Variants in TEX14 observed in about 807,000 individuals in gnomAD.
TEX14 encodes inactive serine/threonine-protein kinase TEX14.
A neutral mutation model predicts 178.6 loss-of-function variants in TEX14; 168 were observed. The observed-to-expected ratio is 0.94, with a 90% CI of 0.83 to 1.07. The LOEUF (loss-of-function observed/expected upper bound fraction) is 1.07, where lower values mean the gene tolerates loss of function less well. Among genes scored for constraint, TEX14 ranks in the 50% least tolerant of loss-of-function variants. The pLI is 0.00. For synonymous variants in TEX14, 626 were observed against 634.1 expected, an observed-to-expected ratio of 0.99 and a Z score of 0.19; for missense variants, 1,730 against 1,753.6, an observed-to-expected ratio of 0.99 and a Z score of 0.24.
chr17:58,679,749 T>C (rs1567773983), intron 1 of TEX14: 1 of 152,148 alleles, frequency 6.6e-6, no homozygotes, highest in Non-Finnish European at 1.5e-5. Flanking sequence ...AAATATAGGA[T>C]CATTTTTCTC....
At chr17:58,607,555 T>C (rs2045639375) in intron 10 of TEX14, among the ~76,000 whole-genome samples, 1 of 152,232 alleles carries the variant, frequency 6.6e-6, no homozygotes, top group South Asian at 2.1e-4. Context: ...TTCACACCAT[T>C]GCTTCACCCC....
intron 28 of TEX14, 23 bp from the exon 29 acceptor site, chr17:58,561,635 A>G: frequency 7.3e-6 from 11 of 1,510,752 alleles, no homozygotes; most frequent in Non-Finnish European, 1.0e-5. Flanking sequence ...AAGTGAAGAG[A>G]ATGGAGACAA....
intron 1 of TEX14, among the ~76,000 whole-genome samples, chr17:58,656,657 G>A (rs1159344823): frequency 6.6e-6 from 1 of 151,766 alleles, no homozygotes. Context: ...AGGAGGCTGA[G>A]GCAGGAGAAT....
intron 5 of TEX14, among the ~76,000 whole-genome samples, chr17:58,620,284 G>C (rs1024453166): frequency 6.6e-6 from 1 of 152,092 alleles, no homozygotes; most frequent in Non-Finnish European, 1.5e-5. Context: ...TCCTTAAGGA[G>C]TTTTAGCAGA....
chr17:58,671,719 A>T (rs1009224170), intron 1 of TEX14, among the ~76,000 whole-genome samples: 2 of 152,060 alleles, frequency 1.3e-5, no homozygotes, highest in Non-Finnish European at 2.9e-5. Context: ...TTTTTGCTAG[A>T]TCAGAAATAT....
intron 18 of TEX14, 133 bp from the exon 19 acceptor site, chr17:58,584,733 T>G: frequency 1.4e-6 from 1 of 718,374 alleles, no homozygotes; most frequent in South Asian, 1.7e-5. Flanking sequence ...TACGTTAGGT[T>G]CAGTCCAGAG....
intron 1 of TEX14, among the ~76,000 whole-genome samples, chr17:58,679,173 A>G (rs914208750): frequency 2.0e-5 from 3 of 152,072 alleles, no homozygotes; most frequent in African/African-American, 7.2e-5. Context: ...GAAAAAAAAC[A>G]GAAGGACTCT....
rs762623001 is a variant in TEX14 at position 58,630,476 on chromosome 17, A to G, written c.215T>C (p.Val72Ala). The G allele has an allele frequency of 1.2e-6, 2 of 1,614,082 alleles. No individual in the cohort carries two copies. The highest frequency in any genetic ancestry group is 2.2e-5 in the East Asian group (1 of 44,880). ...VAALLGLRKF[V>A]DVLVDYGSDP... ...TGATCCATAATCCACCAGAACATCA[A>G]CGAATTTCCTAAGGCCCAATAACGC... The change falls in exon 3 of 32, where the codon GTT becomes GCT. Residue 72 changes from valine (V) to alanine (A), a missense_variant. Transcript: ENST00000349033.
At position 58,565,836 on chromosome 17, in the gene TEX14, CA is replaced by C; in HGVS notation, c.3887-13del. ...CTGTTTCAAGAGCTCTGTCACAACA[CA>C]AAAGCCAAAGGAAACTTATTTCCTC... On this transcript the variant is annotated splice_polypyrimidine_tract_variant and intron_variant, in intron 26 of 31. Transcript: ENST00000349033. The C allele has an allele frequency of 6.3e-7, 1 of 1,596,374 alleles. No homozygotes were observed. Among genetic ancestry groups the C allele is most frequent in the Non-Finnish European group, 8.5e-7 (1 of 1,170,936 alleles).
intron 8 of TEX14, among the ~76,000 whole-genome samples, chr17:58,614,376 G>A (rs2045821485): frequency 1.3e-5 from 2 of 152,200 alleles, no homozygotes; most frequent in Non-Finnish European, 2.9e-5. Context: ...AGTAGTCCCA[G>A]CTACTCAGGA....
Position 58,584,614 on chromosome 17 carries a change from C to T in TEX14, c.3071-14G>A. 1 of 1,579,616 alleles carries T rather than the reference C, an allele frequency of 6.3e-7. No homozygotes were observed. The highest frequency in any genetic ancestry group is 8.7e-7 in the Non-Finnish European group (1 of 1,148,632). ...GGTGCCTGATACCTAATGATTGTAA[C>T]ACAGTCAGGGTCAAAGTCATTCAGT... is the stretch of plus-strand genomic sequence containing the variant. On this transcript the variant is annotated splice_polypyrimidine_tract_variant and intron_variant, in intron 18 of 31. Coordinates refer to ENST00000349033, the MANE Select transcript of TEX14 (RefSeq NM_031272.5).
rs764262297 is a variant in TEX14 at position 58,621,755 on chromosome 17, T to C, written c.449A>G (p.His150Arg). ...GAAGCCCTGGATGATGGCCTGCATGTGTGAGGCACAGCGCTGCATGAACTC... is the reference window on the plus strand; with the variant it reads ...GAAGCCCTGGATGATGGCCTGCATGCGTGAGGCACAGCGCTGCATGAACTC... The part of the protein sequence containing the change: ...IVEFMQRCAS[H>R]MQAIIQGFSY... The change falls in exon 5 of 32, where the codon CAC becomes CGC. Residue 150 changes from histidine (H) to arginine (R), a missense_variant. His to Arg is a conservative substitution (Grantham distance 29, BLOSUM62 0). Around this residue, in one of 2 missense-constraint regions of TEX14, gnomAD observed 789 missense variants for 681.2 expected, o/e 1.16. Transcript: ENST00000349033. The C allele has an allele frequency of 2.5e-6, 4 of 1,614,154 alleles. No homozygotes were observed. The highest frequency in any genetic ancestry group is 2.2e-5 in the South Asian group (2 of 91,086).
In TEX14 at chr17:58,651,915, C is replaced by A. The variant is rs965364884; in HGVS notation, c.87G>T (p.Glu29Asp). The change falls in exon 2 of 32, where the codon GAG becomes GAT. Residue 29 changes from glutamate (E) to aspartate (D), a missense_variant. Transcript: ENST00000349033. ...RNDSLEAQLH[E>D]YVKQGNYVKV... Reference sequence around the variant, plus strand: ...TCACATAGTTCCCTTGTTTGACATACTCATGAAGCTGAGCTTCCAGGGAGT... The same window carrying A: ...TCACATAGTTCCCTTGTTTGACATAATCATGAAGCTGAGCTTCCAGGGAGT... 21 of 1,613,166 alleles carry A rather than the reference C, an allele frequency of 1.3e-5. No homozygotes were observed. In the Admixed American group the frequency reaches 3.2e-4, roughly 24 times the overall value.
In TEX14 at chr17:58,615,227, C is replaced by G. The variant is rs1460922191; in HGVS notation, c.881+5G>C. On this transcript the variant is annotated splice_donor_5th_base_variant and intron_variant, in intron 8 of 31. Coordinates refer to ENST00000349033, the MANE Select transcript of TEX14 (RefSeq NM_031272.5). ...CCTATAAGGGGCCTTGGGCTTCCTT[C>G]TCACCTGCTGTGTTCCTGCTCGGCA... The G allele has an allele frequency of 6.3e-7, 1 of 1,596,692 alleles. No homozygotes were observed. The highest frequency in any genetic ancestry group is 8.6e-7 in the Non-Finnish European group (1 of 1,164,442).
chr17:58,634,226 A>C (rs1480216788), intron 2 of TEX14, among the ~76,000 whole-genome samples: 1 of 151,918 alleles, frequency 6.6e-6, no homozygotes, highest in Non-Finnish European at 1.5e-5. Context: ...CAGCTTGGCC[A>C]ACATGGTGAA....
chr17:58,640,799 A>G (rs1402115791), intron 2 of TEX14, among the ~76,000 whole-genome samples: 3 of 152,120 alleles, frequency 2.0e-5, no homozygotes, highest in Admixed American at 6.6e-5. Flanking sequence ...AGCTCAGTGC[A>G]ACCTCTGCCT....
In TEX14 at chr17:58,688,573, T is replaced by C. The variant is rs565656250; in HGVS notation, c.-2+3366A>G. On this transcript the variant is annotated intron_variant, in intron 1 of 31. Coordinates refer to ENST00000349033, the MANE Select transcript of TEX14 (RefSeq NM_031272.5). ...ATTATGTACTTTTTTGTGTGATAAG[T>C]ACTGTATATGTGTTAATTTAATCTT... Among the ~76,000 whole-genome samples the C allele has an allele frequency of 2.9e-4, 44 of 152,320 alleles. No individual in the cohort carries two copies. The South Asian group carries it at 7.2e-3, about 25-fold the overall frequency.
At chr17:58,685,829 T>TA (rs1398609604) in intron 1 of TEX14, among the ~76,000 whole-genome samples, 4 of 149,284 alleles carry the variant, frequency 2.7e-5, no homozygotes, top group South Asian at 2.1e-4. Context: ...CCATCTCTAC[T>TA]AAAAAAAATA....
chr17:58,601,346 C>T (rs895654574), intron 13 of TEX14, among the ~76,000 whole-genome samples: 1 of 151,986 alleles, frequency 6.6e-6, no homozygotes, highest in Non-Finnish European at 1.5e-5. Context: ...CATGGTGAAA[C>T]CCCGTCTCTA....
Sources: gnomAD v4.1 joint callset for allele counts (sites outside exome capture counted in the v4.1 genomes callset) on GRCh38, gnomAD v4.1.1 for gene constraint, gnomAD v4.1.1 regional missense constraint, MANE v1.5 for transcripts, NCBI Gene and HGNC (gene_info 2026-07-23, HGNC 2026-07-21) for gene names.